Variants in L3MBTL4 observed in about 807,000 individuals in gnomAD.
L3MBTL4 encodes the protein lethal(3)malignant brain tumor-like protein 4.
L3MBTL4 carries 70 observed loss-of-function variants against 84.5 expected under a neutral mutation model. That is an observed-to-expected ratio of 0.83 (90% CI 0.68 to 1.01). The LOEUF (loss-of-function observed/expected upper bound fraction) is 1.01, where lower values mean the gene tolerates loss of function less well. L3MBTL4 is among the 50% of genes least tolerant of loss of function. The pLI is 0.00. For synonymous variants in L3MBTL4, 274 were observed against 259.8 expected (o/e 1.05, Z -0.52); for missense variants, 715 against 754.8 (o/e 0.95, Z 0.62).
At chr18:6,006,544 T>C (rs1343650380) in intron 16 of L3MBTL4, among the ~76,000 whole-genome samples, 3 of 152,118 alleles carry the variant, frequency 2.0e-5, no homozygotes, top group African/African-American at 7.2e-5. Context: ...AAAACTGGCA[T>C]ACAAATTTAG....
intron 5 of L3MBTL4, among the ~76,000 whole-genome samples, chr18:6,258,952 G>A (rs183917187): frequency 6.6e-6 from 1 of 152,072 alleles, no homozygotes; most frequent in Non-Finnish European, 1.5e-5. Context: ...AGGGAGGGTT[G>A]GGCATGCAAG....
intron 13 of L3MBTL4, among the ~76,000 whole-genome samples, chr18:6,168,743 T>G (rs1160674663): frequency 2.0e-5 from 3 of 151,210 alleles, no homozygotes; most frequent in Admixed American, 6.6e-5. Context: ...AACCTAGGCA[T>G]TACCATTCAG....
intron 15 of L3MBTL4, among the ~76,000 whole-genome samples, chr18:6,082,122 T>A (rs6506362): frequency 0.24 from 36,822 of 151,976 alleles, 4,785 homozygotes; most frequent in Admixed American, 0.34. Context: ...TAGCTTCCAA[T>A]CTGTTAAATG....
intron 10 of L3MBTL4, among the ~76,000 whole-genome samples, chr18:6,236,015 T>C (rs950065019): frequency 6.6e-6 from 1 of 152,222 alleles, no homozygotes; most frequent in African/African-American, 2.4e-5. Context: ...ATGACAATAC[T>C]CCACCAATTG....
At chr18:6,298,016 G>A (rs1351413154) in intron 4 of L3MBTL4, among the ~76,000 whole-genome samples, 1 of 152,164 alleles carries the variant, frequency 6.6e-6, no homozygotes, top group East Asian at 1.9e-4. Context: ...ATGCATAAAT[G>A]GAATGCACAT....
intron 16 of L3MBTL4, among the ~76,000 whole-genome samples, chr18:6,032,454 C>T (rs1049559895): frequency 6.6e-6 from 1 of 151,368 alleles, no homozygotes; most frequent in Non-Finnish European, 1.5e-5. Context: ...GGGGGCAGAA[C>T]TGACCACGGG....
intron 16 of L3MBTL4, among the ~76,000 whole-genome samples, chr18:5,981,809 AT>A (rs1057213021): frequency 1.2e-4 from 18 of 151,138 alleles, no homozygotes; most frequent in South Asian, 2.1e-4. Flanking sequence ...CAAAAAAAAA[AT>A]TTTTTTTTTA....
intron 13 of L3MBTL4, among the ~76,000 whole-genome samples, chr18:6,144,196 C>CAAAAAAAAAAA (rs35746580): frequency 1.7e-4 from 10 of 58,078 alleles, no homozygotes; most frequent in East Asian, 5.8e-4. Flanking sequence ...ACTCCATCTC[C>CAAAAAAAAAAA]AAAAAAAAAA....
intron 16 of L3MBTL4, among the ~76,000 whole-genome samples, chr18:6,020,019 C>A (rs2145486565): frequency 6.6e-6 from 1 of 152,260 alleles, no homozygotes; most frequent in Non-Finnish European, 1.5e-5. Context: ...CTAAGTTGGG[C>A]AATGCAGATA....
chr18:6,199,206 C>G (rs2045540417), intron 12 of L3MBTL4, among the ~76,000 whole-genome samples: 1 of 152,174 alleles, frequency 6.6e-6, no homozygotes, highest in Non-Finnish European at 1.5e-5. Flanking sequence ...AGGTAATCAG[C>G]CCCCTCATGC....
At chr18:6,185,313 A>G (rs1056532790) in intron 12 of L3MBTL4, among the ~76,000 whole-genome samples, 2 of 152,210 alleles carry the variant, frequency 1.3e-5, no homozygotes, top group East Asian at 1.9e-4. Context: ...GCTGGACCCA[A>G]TATGCTCCCT....
chr18:6,231,810 G>A (rs959556216), intron 10 of L3MBTL4, among the ~76,000 whole-genome samples: 9 of 151,946 alleles, frequency 5.9e-5, no homozygotes, highest in African/African-American at 2.2e-4. Context: ...TTATGTTAGG[G>A]TTATCTACAC....
At chr18:6,284,673 A>T (rs919590815) in intron 4 of L3MBTL4, among the ~76,000 whole-genome samples, 1 of 151,734 alleles carries the variant, frequency 6.6e-6, no homozygotes, top group Non-Finnish European at 1.5e-5. Flanking sequence ...TCAGGGCAGT[A>T]TCCTATTCTG....
At chr18:6,095,566 G>A (rs891023076) in intron 14 of L3MBTL4, among the ~76,000 whole-genome samples, 3 of 152,004 alleles carry the variant, frequency 2.0e-5, no homozygotes, top group South Asian at 2.1e-4. Flanking sequence ...TAGCCAGGAC[G>A]GTCTCGATCT....
chr18:6,205,489 CATGGTGGTTTG>C (rs1421457102), intron 12 of L3MBTL4, among the ~76,000 whole-genome samples: 29 of 152,108 alleles, frequency 1.9e-4, no homozygotes, highest in Non-Finnish European at 3.8e-4. Flanking sequence ...ATACATGTGC[CATGGTGGTTTG>C]TTGCACCTAT....
intron 1 of L3MBTL4, among the ~76,000 whole-genome samples, chr18:6,376,853 A>G (rs927282839): frequency 9.8e-5 from 15 of 152,338 alleles, no homozygotes; most frequent in Admixed American, 7.2e-4. Context: ...TGTTGAATGA[A>G]TATCTGAATG....
At chr18:6,107,671 AC>A (rs2059056493) in intron 14 of L3MBTL4, among the ~76,000 whole-genome samples, 1 of 152,002 alleles carries the variant, frequency 6.6e-6, no homozygotes, top group Non-Finnish European at 1.5e-5. Flanking sequence ...AAACGTTGTT[AC>A]TAACATTTTA....
intron 18 of L3MBTL4, among the ~76,000 whole-genome samples, chr18:5,959,208 T>C (rs2095249734): frequency 6.6e-6 from 1 of 152,178 alleles, no homozygotes; most frequent in African/African-American, 2.4e-5. Context: ...CTTGGAAAGT[T>C]CTAGAGCAGC....
chr18:6,169,093 G>T (rs2043832053), intron 13 of L3MBTL4, among the ~76,000 whole-genome samples: 1 of 152,178 alleles, frequency 6.6e-6, no homozygotes, highest in Non-Finnish European at 1.5e-5. Context: ...TATCGTCACT[G>T]GTCATCAGAG....
Sources: allele counts gnomAD v4.1 joint callset (sites outside exome capture counted in the v4.1 genomes callset), GRCh38; gene constraint gnomAD v4.1.1; transcripts MANE v1.5; gene names NCBI Gene and HGNC (gene_info 2026-07-23, HGNC 2026-07-21).